MYBL2: variants seen among roughly 807,000 people sequenced by gnomAD.
The protein encoded by MYBL2 is myb-related protein B.
A neutral mutation model predicts 79.9 loss-of-function variants in MYBL2; 28 were observed. The observed-to-expected ratio is 0.35, with a 90% CI of 0.26 to 0.48. MYBL2 has a LOEUF of 0.48. Among genes scored for constraint, MYBL2 ranks in the 20% least tolerant of loss-of-function variants. MYBL2 has a pLI of 0.99. For synonymous variants in MYBL2, 378 were observed against 361.2 expected (o/e 1.05, Z -0.53); for missense variants, 735 against 893.9 (o/e 0.82, Z 2.27).
At chr20:43,703,404 A>T (rs1330944948) in intron 8 of MYBL2, among the ~76,000 whole-genome samples, 1 of 152,082 alleles carries the variant, frequency 6.6e-6, no homozygotes, top group African/African-American at 2.4e-5. Flanking sequence ...GTCACTGAGA[A>T]CTCACTGTTC....
chr20:43,667,146 C>T lies in MYBL2; in HGVS notation c.-138C>T. ...GTTCCTGCGAGCGAGGAGCGCGGGA[C>T]CTGCTGACACGCTGACGCCTTCGAG... is the stretch of plus-strand genomic sequence containing the variant. On this transcript the variant is annotated 5_prime_UTR_variant, in exon 1 of 14. Coordinates refer to ENST00000217026, the MANE Select transcript of MYBL2 (RefSeq NM_002466.4). 2 of 385,338 alleles carry T rather than the reference C, an allele frequency of 5.2e-6. No homozygotes were observed. The highest frequency in any genetic ancestry group is 8.1e-6 in the Non-Finnish European group (2 of 246,798). 23.9% of individuals were successfully genotyped at this position (385,338 alleles called of 1,614,324 possible).
chr20:43,667,429 G>A, intron 1 of MYBL2, 126 bp downstream of exon 1: 1 of 660,894 alleles, frequency 1.5e-6, no homozygotes, highest in Non-Finnish European at 2.1e-6. Flanking sequence ...TGGGGGTGGG[G>A]TGTTTCCGCG....
chr20:43,697,388 T>A (rs531230366), intron 6 of MYBL2, among the ~76,000 whole-genome samples: 3 of 152,102 alleles, frequency 2.0e-5, no homozygotes, highest in African/African-American at 7.2e-5. Context: ...AGTGGGCGGA[T>A]CACTTGAGGC....
chr20:43,683,575 A>G (rs1417642466), intron 4 of MYBL2, among the ~76,000 whole-genome samples: 1 of 133,614 alleles, frequency 7.5e-6, no homozygotes, highest in Non-Finnish European at 1.6e-5. Context: ...TTTTTTTGAG[A>G]CGGAGTCTTG....
At chr20:43,683,029 T>C (rs911834988) in intron 4 of MYBL2, 143 bp downstream of exon 4, 1 of 753,302 alleles carries the variant, frequency 1.3e-6, no homozygotes, top group African/African-American at 1.7e-5. Context: ...CTGGACACTC[T>C]TATGCTGCCC....
chr20:43,696,027 GA>G (rs1468596739), intron 6 of MYBL2, among the ~76,000 whole-genome samples: 5 of 151,366 alleles, frequency 3.3e-5, no homozygotes, highest in Admixed American at 6.6e-5. Context: ...AAAAAGAAAA[GA>G]AAAAAAACCT....
rs189431709 is a variant in MYBL2, at chr20:43,678,466, C to T, written c.115-3318C>T. Among the ~76,000 whole-genome samples the T allele has an allele frequency of 1.3e-3, 196 of 152,188 alleles. 1 individual carries two copies. The highest frequency in any genetic ancestry group is 4.6e-3 in the African/African-American group (192 of 41,518). On this transcript the variant is annotated intron_variant, in intron 2 of 13. Transcript: ENST00000217026. ...TTGGTTTTTGGATTGTTTTTTCTAACTCTGAACTGGACAAAGATGGAAGGT... is the reference window on the plus strand; with the variant it reads ...TTGGTTTTTGGATTGTTTTTTCTAATTCTGAACTGGACAAAGATGGAAGGT...
chr20:43,709,860 C>T lies in MYBL2; in HGVS notation c.1506-103C>T, dbSNP rs1987866313. ...GAGAGGGATGGGACGAGAACCTGTG[C>T]TGGGGCCAAAGGTCGCACTGGGGGA... On this transcript the variant is annotated intron_variant, in intron 9 of 13. Transcript: ENST00000217026. 22 of 944,416 alleles carry T rather than the reference C, an allele frequency of 2.3e-5. No individual in the cohort carries two copies. In the South Asian group the frequency reaches 3.5e-4, roughly 15 times the overall value. 58.5% of individuals were successfully genotyped at this position (944,416 alleles called of 1,614,324 possible).
intron 4 of MYBL2, 139 bp downstream of exon 4, chr20:43,683,025 A>C: frequency 1.3e-6 from 1 of 760,344 alleles, no homozygotes; most frequent in Non-Finnish European, 2.3e-6. Flanking sequence ...CAGTCTGGAC[A>C]CTCTTATGCT....
intron 6 of MYBL2, among the ~76,000 whole-genome samples, chr20:43,698,000 T>C (rs1987584711): frequency 6.6e-6 from 1 of 151,110 alleles, no homozygotes; most frequent in African/African-American, 2.4e-5. Flanking sequence ...TCTTTTACTA[T>C]TAATGAGGGT....
At position 43,704,519 on chromosome 20, in the gene MYBL2, G is replaced by A. The variant is rs575791934; in HGVS notation, c.1366-700G>A. Among the ~76,000 whole-genome samples the A allele has an allele frequency of 1.3e-3, 195 of 152,218 alleles. 4 individuals carry two copies. In the Middle Eastern group the frequency reaches 0.017, roughly 13 times the overall value. ...AAGCTCAGGATGATGGAGCGTGGTCGCTCTACTCCAGAGACCCCATTTAGG... is the reference window on the plus strand; with the variant it reads ...AAGCTCAGGATGATGGAGCGTGGTCACTCTACTCCAGAGACCCCATTTAGG... On this transcript the variant is annotated intron_variant, in intron 8 of 13. Coordinates refer to ENST00000217026, the MANE Select transcript of MYBL2 (RefSeq NM_002466.4).
intron 2 of MYBL2, among the ~76,000 whole-genome samples, chr20:43,676,602 A>G (rs1256674016): frequency 6.6e-6 from 1 of 152,220 alleles, no homozygotes; most frequent in Non-Finnish European, 1.5e-5. Flanking sequence ...GTTTTTGGCT[A>G]TCGTGTATAG....
At chr20:43,699,265 C>A (rs1380579023) in intron 6 of MYBL2, among the ~76,000 whole-genome samples, 1 of 151,838 alleles carries the variant, frequency 6.6e-6, no homozygotes, top group Non-Finnish European at 1.5e-5. Flanking sequence ...AGGCTGATCT[C>A]GAACTCTTGA....
chr20:43,691,662 C>T (rs1051551827), intron 5 of MYBL2, among the ~76,000 whole-genome samples: 3 of 151,808 alleles, frequency 2.0e-5, no homozygotes, highest in Non-Finnish European at 4.4e-5. Context: ...TCCTCAGACT[C>T]CCAAGTAGCT....
At chr20:43,702,956 T>G in intron 8 of MYBL2, 53 bp downstream of exon 8, 1 of 1,532,528 alleles carries the variant, frequency 6.5e-7, no homozygotes, top group Non-Finnish European at 8.9e-7. Context: ...CACCTAGTGT[T>G]CAGTGCTGGG....
chr20:43,706,719 G>GTGTTTTTTTTTTTTTTTTTTTTT (rs1987791193), intron 9 of MYBL2, among the ~76,000 whole-genome samples: 1 of 70,780 alleles, frequency 1.4e-5, no homozygotes, highest in African/African-American at 6.0e-5. Flanking sequence ...AAAAAAAAAA[G>GTGTTTTTTTTTTTTTTTTTTTTT]TTTTTTTTTT....
intron 6 of MYBL2, among the ~76,000 whole-genome samples, chr20:43,692,780 TAAA>T: frequency 6.6e-6 from 1 of 151,848 alleles, no homozygotes; most frequent in South Asian, 2.1e-4. Flanking sequence ...TCTTTTTAAT[TAAA>T]AAAAATTAAA....
rs1415453313 is a variant in MYBL2 at position 43,702,498 on chromosome 20, T to A, written c.960T>A (p.Asp320Glu). The A allele has an allele frequency of 1.9e-6, 3 of 1,598,502 alleles. No individual in the cohort carries two copies. The highest frequency in any genetic ancestry group is 2.6e-6 in the Non-Finnish European group (3 of 1,167,372). Residue 320 changes from aspartate to glutamate, a missense_variant, in exon 8 of 14, where the codon GAT becomes GAA. Transcript: ENST00000217026. ...EALDLIESDP[D>E]AWCDLSKFDL... ...CCTCCCTCCCTGGACAGGACCCTGATGCTTGGTGTGACCTGAGTAAATTTG... is the reference window on the plus strand; with the variant it reads ...CCTCCCTCCCTGGACAGGACCCTGAAGCTTGGTGTGACCTGAGTAAATTTG...
In MYBL2 at chr20:43,716,241, T is replaced by C; in HGVS notation, c.*154T>C. On this transcript the variant is annotated 3_prime_UTR_variant, in exon 14 of 14. Coordinates refer to ENST00000217026, the MANE Select transcript of MYBL2 (RefSeq NM_002466.4). ...CTCTCAGGTGGAGGCAACAGGGCCA[T>C]GTGCTGCCCTGTTGCCGAGCCCAGC... The C allele has an allele frequency of 1.8e-6, 2 of 1,108,280 alleles. No homozygotes were observed. 68.7% of individuals were successfully genotyped at this position (1,108,280 alleles called of 1,614,324 possible). A position where few individuals can be genotyped will look rare whatever the true frequency, so the allele number is the denominator to read the frequency against.
Sources: gnomAD v4.1 joint callset for allele counts (sites outside exome capture counted in the v4.1 genomes callset) on GRCh38, gnomAD v4.1.1 for gene constraint, MANE v1.5 for transcripts, NCBI Gene and HGNC (gene_info 2026-07-23, HGNC 2026-07-21) for gene names.